The following SDK1 variants were observed in gnomAD, a reference collection of about 807,000 sequenced individuals.
SDK1 encodes sidekick cell adhesion molecule 1, also known as protein sidekick-1.
In SDK1, 157 loss-of-function variants were observed where a neutral mutation model predicts 245.5. That is an observed-to-expected ratio of 0.64 (90% confidence interval 0.56 to 0.73). SDK1 has a LOEUF of 0.73. Among genes scored for constraint, SDK1 ranks in the 30% least tolerant of loss-of-function variants. The pLI is 0.00. For missense variants in SDK1, 3,583 were observed against 3,002.3 expected, an observed-to-expected ratio of 1.19 and a Z score of -4.52; for synonymous variants, 1,647 against 1,278.5, an observed-to-expected ratio of 1.29 and a Z score of -6.15.
At chr7:3,689,043 C>G (rs1281667110) in intron 4 of SDK1, among the ~76,000 whole-genome samples, 1 of 152,222 alleles carries the variant, frequency 6.6e-6, no homozygotes, top group Non-Finnish European at 1.5e-5. Flanking sequence ...TATTGTAACA[C>G]AGCCACCCAT....
chr7:4,265,640 G>A lies in SDK1; in HGVS notation c.*256G>A. On this transcript the variant is annotated 3_prime_UTR_variant, in exon 45 of 45. Transcript: ENST00000404826. Reference sequence around the variant, plus strand: ...TTTTAAGAGAAGGTGTATTTCACTGGTGCAATGGCTTGGCACCTCCGGGGC... The same window carrying A: ...TTTTAAGAGAAGGTGTATTTCACTGATGCAATGGCTTGGCACCTCCGGGGC... 7.8e-7 allele frequency: 1 copy of A among 1,287,572 alleles called. No individual in the cohort carries two copies. The highest frequency in any genetic ancestry group is 9.8e-7 in the Non-Finnish European group (1 of 1,023,712). The allele number at this position is 1,287,572 out of a possible 1,614,324, so 79.8% of individuals were successfully genotyped here. A position where few individuals can be genotyped will look rare whatever the true frequency, so the allele number is the denominator to read the frequency against.
chr7:3,399,604 C>G (rs1463541321), intron 1 of SDK1, among the ~76,000 whole-genome samples: 1 of 152,090 alleles, frequency 6.6e-6, no homozygotes, highest in African/African-American at 2.4e-5. Context: ...GCTGCTGTTA[C>G]TTCGTATAGT....
At chr7:3,536,904 T>C (rs1308573701) in intron 1 of SDK1, among the ~76,000 whole-genome samples, 1 of 152,236 alleles carries the variant, frequency 6.6e-6, no homozygotes, top group Non-Finnish European at 1.5e-5. Context: ...AGTAGTTGTT[T>C]AGTTGAATTA....
At position 4,015,995 on chromosome 7, in the gene SDK1, G is replaced by C. The variant is rs1786369115; in HGVS notation, c.2421-1176G>C. Among the ~76,000 whole-genome samples the C allele has an allele frequency of 4.6e-5, 7 of 152,342 alleles. 1 individual carries two copies. In the South Asian group the frequency reaches 1.4e-3, roughly 32 times the overall value. ...TTCATTTTCAAGCCCTCCTTCTCTTGGGAAAGTTGTTTTACATTTTAGGGC... is the reference window on the plus strand; with the variant it reads ...TTCATTTTCAAGCCCTCCTTCTCTTCGGAAAGTTGTTTTACATTTTAGGGC... On this transcript the variant is annotated intron_variant, in intron 16 of 44. Transcript: ENST00000404826.
rs975874223 is a variant in SDK1 at position 4,221,278 on chromosome 7, C to A, written c.5741C>A (p.Ser1914Tyr). The part of the protein sequence containing the change: ...GSPRDVLVTK[S>Y]ASELTLQWTE... The stretch of plus-strand genomic sequence containing the variant: ...CCTAGAGATGTCCTGGTCACCAAGT[C>A]CGCCTCTGAACTGACGCTGCAGTGG... Residue 1914 changes from serine (S) to tyrosine (Y), a missense_variant, in exon 40 of 45, where the codon TCC becomes TAC. Physicochemically the swap from Ser to Tyr is moderately radical, Grantham distance 144. Coordinates refer to ENST00000404826, the MANE Select transcript of SDK1 (RefSeq NM_152744.4). 5.0e-6 allele frequency: 8 copies of A among 1,613,810 alleles called. No individual in the cohort carries two copies. In the South Asian group the frequency reaches 7.7e-5, roughly 16 times the overall value.
At chr7:4,152,713 A>G (rs1780467246) in intron 30 of SDK1, among the ~76,000 whole-genome samples, 1 of 152,248 alleles carries the variant, frequency 6.6e-6, no homozygotes, top group Non-Finnish European at 1.5e-5. Flanking sequence ...GATATTTTGT[A>G]CACTGCCACA....
chr7:4,123,700 T>C (rs1257509403), intron 25 of SDK1, among the ~76,000 whole-genome samples: 1 of 152,226 alleles, frequency 6.6e-6, no homozygotes, highest in Non-Finnish European at 1.5e-5. Context: ...TTTGGGAAGA[T>C]TGGACTGGCT....
At chr7:4,038,101 G>A (rs1472843097) in intron 17 of SDK1, among the ~76,000 whole-genome samples, 1 of 152,150 alleles carries the variant, frequency 6.6e-6, no homozygotes, top group Non-Finnish European at 1.5e-5. Flanking sequence ...TGACCAAGGT[G>A]ACACCCCTCC....
chr7:3,797,577 A>C (rs779978902), intron 4 of SDK1, among the ~76,000 whole-genome samples: 15 of 152,220 alleles, frequency 9.9e-5, no homozygotes, highest in Middle Eastern at 3.4e-3. Context: ...ACCTAAAAAA[A>C]ATCATGGAAC....
At chr7:3,917,024 A>C (rs1251635033) in intron 5 of SDK1, among the ~76,000 whole-genome samples, 1 of 152,212 alleles carries the variant, frequency 6.6e-6, no homozygotes, top group Non-Finnish European at 1.5e-5. Context: ...CTGGGGGCAA[A>C]TCTTTTCCAT....
intron 1 of SDK1, among the ~76,000 whole-genome samples, chr7:3,577,620 T>C (rs1487749968): frequency 2.0e-5 from 3 of 152,094 alleles, no homozygotes; most frequent in African/African-American, 7.2e-5. Flanking sequence ...CTGCTCTTTA[T>C]TGAACCTGTT....
chr7:4,009,650 G>A (rs549973423), intron 14 of SDK1, among the ~76,000 whole-genome samples: 1 of 152,358 alleles, frequency 6.6e-6, no homozygotes, highest in African/African-American at 2.4e-5. Context: ...ATTTTTGGAA[G>A]CAGCTTGATT....
intron 5 of SDK1, among the ~76,000 whole-genome samples, chr7:3,913,438 C>T (rs889931974): frequency 2.9e-4 from 44 of 151,950 alleles, no homozygotes; most frequent in African/African-American, 9.7e-4. Context: ...GGACTACAGG[C>T]GCTCGCCACA....
chr7:3,390,970 A>G (rs890955273), intron 1 of SDK1, among the ~76,000 whole-genome samples: 5 of 152,104 alleles, frequency 3.3e-5, no homozygotes, highest in African/African-American at 1.2e-4. Context: ...AGAAAATGTC[A>G]CTCTTCCACA....
intron 5 of SDK1, among the ~76,000 whole-genome samples, chr7:3,904,618 C>T (rs974235030): frequency 1.3e-5 from 2 of 152,076 alleles, no homozygotes; most frequent in Admixed American, 6.6e-5. Context: ...GGCTTCAGCC[C>T]GGAAGATCAA....
At chr7:3,721,287 T>A (rs1778786011) in intron 4 of SDK1, among the ~76,000 whole-genome samples, 1 of 152,182 alleles carries the variant, frequency 6.6e-6, no homozygotes, top group African/African-American at 2.4e-5. Context: ...ATCTGAATAC[T>A]CTCTATGAAT....
intron 22 of SDK1, among the ~76,000 whole-genome samples, chr7:4,096,572 A>T (rs186079364): frequency 6.6e-6 from 1 of 152,270 alleles, no homozygotes; most frequent in Non-Finnish European, 1.5e-5. Context: ...TTAGCATGGG[A>T]CTAGCACATA....
intron 4 of SDK1, among the ~76,000 whole-genome samples, chr7:3,650,482 A>G (rs960957883): frequency 3.9e-5 from 6 of 152,228 alleles, no homozygotes; most frequent in African/African-American, 1.4e-4. Context: ...ATTTTTAATT[A>G]AACGTAGTAT....
chr7:3,358,849 A>G (rs1302678681), intron 1 of SDK1, among the ~76,000 whole-genome samples: 1 of 152,148 alleles, frequency 6.6e-6, no homozygotes, highest in Non-Finnish European at 1.5e-5. Flanking sequence ...TTTAACTATT[A>G]TTTCCTCTTT....
Sources: allele counts gnomAD v4.1 joint callset (sites outside exome capture counted in the v4.1 genomes callset), GRCh38; gene constraint gnomAD v4.1.1; transcripts MANE v1.5; gene names NCBI Gene and HGNC (gene_info 2026-07-23, HGNC 2026-07-21).